The following CHCHD3 variants were observed in gnomAD, a reference collection of about 807,000 sequenced individuals.
CHCHD3 encodes MICOS complex subunit MIC19.
Under a neutral mutation model 38.2 loss-of-function variants are expected in CHCHD3, and 20 were observed. That is an observed-to-expected ratio of 0.52 (90% CI 0.37 to 0.76). The LOEUF is 0.76. Among genes scored for constraint, CHCHD3 ranks in the 30% least tolerant of loss-of-function variants. CHCHD3 has a pLI of 0.00. For synonymous variants in CHCHD3, 82 were observed against 100.0 expected (o/e 0.82, Z 1.07); for missense variants, 245 against 279.2 (o/e 0.88, Z 0.87).
chr7:133,006,631 T>A (rs1319194699), intron 3 of CHCHD3, among the ~76,000 whole-genome samples: 1 of 152,154 alleles, frequency 6.6e-6, no homozygotes, highest in Non-Finnish European at 1.5e-5. Context: ...CAAGGATTCA[T>A]ACTGGTGGTG....
chr7:133,050,926 G>T (rs1296187399), intron 2 of CHCHD3, among the ~76,000 whole-genome samples: 2 of 152,142 alleles, frequency 1.3e-5, no homozygotes, highest in Non-Finnish European at 2.9e-5. Flanking sequence ...TGAGGCACCA[G>T]AATCACTTGA....
chr7:133,022,310 C>T lies in CHCHD3; in HGVS notation c.251+2236G>A, dbSNP rs540732683. 179 of 404,736 alleles carry T rather than the reference C, an allele frequency of 4.4e-4. 1 individual carries two copies. In the East Asian group the frequency reaches 5.4e-3, roughly 12 times the overall value. The allele number at this position is 404,736 out of a possible 1,614,324, so 25.1% of individuals were successfully genotyped here. A position where few individuals can be genotyped will look rare whatever the true frequency, so the allele number is the denominator to read the frequency against. On this transcript the variant is annotated intron_variant, in intron 3 of 7. Coordinates refer to ENST00000262570, the MANE Select transcript of CHCHD3 (RefSeq NM_017812.4). ...TGGAGGGAAAAGAGAAAACTTGGCA[C>T]GCAGGGTATATACCATATGAGTAAC...
intron 4 of CHCHD3, among the ~76,000 whole-genome samples, chr7:132,892,218 T>C (rs184818551): frequency 6.6e-5 from 10 of 152,266 alleles, no homozygotes; most frequent in Middle Eastern, 3.4e-3. Flanking sequence ...TGTTGAACGG[T>C]TTTGACCAAA....
At chr7:133,078,101 A>G (rs1346386565) in intron 1 of CHCHD3, among the ~76,000 whole-genome samples, 1 of 152,126 alleles carries the variant, frequency 6.6e-6, no homozygotes, top group Admixed American at 6.5e-5. Context: ...TGAGGTCAGG[A>G]GTTTGAGACC....
chr7:132,904,832 GA>G (rs1809756403), intron 4 of CHCHD3, among the ~76,000 whole-genome samples: 1 of 152,114 alleles, frequency 6.6e-6, no homozygotes, highest in South Asian at 2.1e-4. Context: ...CAAAAATTTG[GA>G]ACCAACCCAA....
chr7:132,814,331 T>C (rs1807146723), intron 6 of CHCHD3, among the ~76,000 whole-genome samples: 2 of 152,182 alleles, frequency 1.3e-5, no homozygotes. Flanking sequence ...AGTTTATTCA[T>C]GTTGTGAGGT....
intron 3 of CHCHD3, chr7:133,022,279 T>C (rs1026623576): frequency 5.2e-6 from 2 of 383,518 alleles, no homozygotes; most frequent in African/African-American, 4.2e-5. Flanking sequence ...CAGGTTTGTG[T>C]GCATTTGGAG....
chr7:132,892,193 A>G (rs1809378520), intron 4 of CHCHD3, among the ~76,000 whole-genome samples: 1 of 152,200 alleles, frequency 6.6e-6, no homozygotes, highest in Non-Finnish European at 1.5e-5. Flanking sequence ...GAAAGTCTGG[A>G]ACTTCTGAGA....
chr7:132,988,180 A>G (rs147713814), intron 3 of CHCHD3, among the ~76,000 whole-genome samples: 8 of 152,210 alleles, frequency 5.3e-5, no homozygotes, highest in Admixed American at 2.0e-4. Flanking sequence ...TTCAAGGGTC[A>G]TAAGAAACTT....
chr7:133,077,424 C>T (rs906718043), intron 1 of CHCHD3, among the ~76,000 whole-genome samples: 5 of 152,206 alleles, frequency 3.3e-5, no homozygotes, highest in African/African-American at 4.8e-5. Context: ...GCATGAGTTA[C>T]GTTCCATATT....
At chr7:132,820,665 T>C (rs1001843264) in intron 6 of CHCHD3, among the ~76,000 whole-genome samples, 3 of 150,024 alleles carry the variant, frequency 2.0e-5, no homozygotes, top group Non-Finnish European at 4.4e-5. Flanking sequence ...TCTTCTTTTC[T>C]GAACTGCAGG....
chr7:132,868,595 A>G (rs1379385003), intron 5 of CHCHD3, among the ~76,000 whole-genome samples: 1 of 152,176 alleles, frequency 6.6e-6, no homozygotes, highest in Admixed American at 6.5e-5. Flanking sequence ...GTTGCACAAA[A>G]TGATGAGATG....
At position 132,906,324 on chromosome 7, in the gene CHCHD3, G is replaced by A. The variant is rs557949553; in HGVS notation, c.370-20579C>T. Among the ~76,000 whole-genome samples the A allele has an allele frequency of 2.6e-5, 4 of 152,018 alleles. No individual in the cohort carries two copies. In the South Asian group the frequency reaches 8.3e-4, roughly 32 times the overall value. Reference sequence around the variant, plus strand: ...TAAACAATTAGTGCTTTTTCTAACCGAACAAAAAAGCCTGTTTGCTTTGAA... The same window carrying A: ...TAAACAATTAGTGCTTTTTCTAACCAAACAAAAAAGCCTGTTTGCTTTGAA... On this transcript the variant is annotated intron_variant, in intron 4 of 7. Coordinates refer to ENST00000262570, the MANE Select transcript of CHCHD3 (RefSeq NM_017812.4).
Position 132,888,964 on chromosome 7 carries a change from T to C in CHCHD3, c.370-3219A>G, listed in dbSNP as rs1402412294. Among the ~76,000 whole-genome samples, 6 of 152,022 alleles carry C rather than the reference T, an allele frequency of 3.9e-5. No homozygotes were observed. In the East Asian group the frequency reaches 7.7e-4, roughly 20 times the overall value. ...GTATGGTAAGATGTTATAGTAGTTA[T>C]GATATATGTAGTGGGATATATTATT... is the stretch of plus-strand genomic sequence containing the variant. On this transcript the variant is annotated intron_variant, in intron 4 of 7. Coordinates refer to ENST00000262570, the MANE Select transcript of CHCHD3 (RefSeq NM_017812.4).
intron 5 of CHCHD3, among the ~76,000 whole-genome samples, chr7:132,853,226 C>T (rs1808260948): frequency 6.6e-6 from 1 of 152,122 alleles, no homozygotes; most frequent in African/African-American, 2.4e-5. Flanking sequence ...TGAGGAGGTG[C>T]TCTGATGGTG....
intron 4 of CHCHD3, among the ~76,000 whole-genome samples, chr7:132,914,121 GGCGTGT>G (rs1439657778): frequency 1.8e-4 from 21 of 113,968 alleles, no homozygotes; most frequent in African/African-American, 3.9e-4. Context: ...CACCATGCCT[GGCGTGT>G]GTGTGTGTGT....
At position 133,035,693 on chromosome 7, in the gene CHCHD3, G is replaced by T; in HGVS notation, c.170-11066C>A. The T allele has an allele frequency of 6.2e-7, 1 of 1,613,286 alleles. No homozygotes were observed. Among genetic ancestry groups the T allele is most frequent in the Non-Finnish European group, 8.5e-7 (1 of 1,179,370 alleles). ...GCAGCTCCTCATTGCTCACATAGTA[G>T]GCAATGGCGTTGCTCTCAAACACAC... On this transcript the variant is annotated intron_variant, in intron 2 of 7. Coordinates refer to ENST00000262570, the MANE Select transcript of CHCHD3 (RefSeq NM_017812.4). This position sits in a 1 kb window ranked among gnomAD's most constrained non-coding sequence, Gnocchi z 4.7.
At chr7:132,798,167 T>G (rs1806670454) in intron 6 of CHCHD3, among the ~76,000 whole-genome samples, 1 of 152,190 alleles carries the variant, frequency 6.6e-6, no homozygotes, top group Non-Finnish European at 1.5e-5. Context: ...AGCATGTTGG[T>G]GGTTCCCTGA....
intron 6 of CHCHD3, among the ~76,000 whole-genome samples, chr7:132,827,118 A>T (rs1807527300): frequency 6.6e-6 from 1 of 152,236 alleles, no homozygotes; most frequent in South Asian, 2.1e-4. Flanking sequence ...CTGTGATTAA[A>T]TTGAAGAAGC....
Sources: allele counts gnomAD v4.1 joint callset (sites outside exome capture counted in the v4.1 genomes callset), GRCh38; gene constraint gnomAD v4.1.1; non-coding constraint Gnocchi (gnomAD v3.1); transcripts MANE v1.5; gene names NCBI Gene and HGNC (gene_info 2026-07-23, HGNC 2026-07-21).